SLC25A21: variants seen among roughly 807,000 people sequenced by gnomAD.
The protein encoded by SLC25A21 is solute carrier family 25 member 21.
In SLC25A21, 47 loss-of-function variants were observed where a neutral mutation model predicts 43.8. The ratio of observed to expected loss-of-function variants is 1.07; its 90% CI spans 0.85 to 1.37. The LOEUF (loss-of-function observed/expected upper bound fraction) is 1.37. Ranked by LOEUF, SLC25A21 falls within the 40% of genes most tolerant of loss-of-function variation. The pLI is 0.00. For missense variants in SLC25A21, 352 were observed against 350.2 expected (o/e 1.00, Z -0.04); for synonymous variants, 131 against 121.3 (o/e 1.08, Z -0.52).
At chr14:36,802,614 G>C (rs558472284) in intron 3 of SLC25A21, among the ~76,000 whole-genome samples, 1 of 152,242 alleles carries the variant, frequency 6.6e-6, no homozygotes, top group South Asian at 2.1e-4. Flanking sequence ...GAACCCCAAG[G>C]TAAGTGTTGT....
intron 1 of SLC25A21, among the ~76,000 whole-genome samples, chr14:37,167,846 T>G (rs571899204): frequency 6.6e-6 from 1 of 151,858 alleles, no homozygotes; most frequent in Non-Finnish European, 1.5e-5. Flanking sequence ...CTCCCTATGA[T>G]TTCATCTCCG....
At chr14:36,776,234 C>CTTTTTTTTTTTTT (rs1397904925) in intron 3 of SLC25A21, among the ~76,000 whole-genome samples, 20 of 75,752 alleles carry the variant, frequency 2.6e-4, no homozygotes, top group African/African-American at 1.1e-3. Flanking sequence ...TTCTTTCTTT[C>CTTTTTTTTTTTTT]TTTCTTTTTT....
chr14:36,678,544 G>C lies in SLC25A21; in HGVS notation c.*2114C>G. 6.5e-7 allele frequency: 1 copy of C among 1,536,614 alleles called. No homozygotes were observed. The highest frequency in any genetic ancestry group is 8.7e-7 in the Non-Finnish European group (1 of 1,146,608). On this transcript the variant is annotated 3_prime_UTR_variant, in exon 10 of 10. Coordinates refer to ENST00000331299, the MANE Select transcript of SLC25A21 (RefSeq NM_030631.4). ...AAAGATCCAATCCAATATTTTGGTG[G>C]AGACTTCTTTAAAACCATACCATAC...
chr14:36,895,049 C>T (rs1240111669), intron 1 of SLC25A21, among the ~76,000 whole-genome samples: 1 of 152,136 alleles, frequency 6.6e-6, no homozygotes, highest in Non-Finnish European at 1.5e-5. Context: ...ATGATGCTGG[C>T]CTCATAAAAT....
chr14:36,976,703 C>G (rs1302737045), intron 1 of SLC25A21, among the ~76,000 whole-genome samples: 1 of 152,204 alleles, frequency 6.6e-6, no homozygotes, highest in Non-Finnish European at 1.5e-5. Context: ...TGCTGAGTCA[C>G]TTGCCAACCA....
chr14:36,908,025 G>C (rs2138607612), intron 1 of SLC25A21, among the ~76,000 whole-genome samples: 1 of 152,272 alleles, frequency 6.6e-6, no homozygotes, highest in African/African-American at 2.4e-5. Context: ...GGACATAGAA[G>C]ATATGGTTGG....
intron 7 of SLC25A21, among the ~76,000 whole-genome samples, chr14:36,697,680 C>G (rs1019198949): frequency 4.0e-5 from 6 of 149,730 alleles, no homozygotes; most frequent in Non-Finnish European, 7.4e-5. Flanking sequence ...TTCTTTGTCT[C>G]TTTTGATCTT....
intron 1 of SLC25A21, among the ~76,000 whole-genome samples, chr14:37,037,152 A>C (rs1352317173): frequency 6.6e-6 from 1 of 152,160 alleles, no homozygotes; most frequent in Non-Finnish European, 1.5e-5. Context: ...AAGAGAAAAA[A>C]CTGTTTCCAA....
chr14:37,135,833 G>C (rs1963471294), intron 1 of SLC25A21, among the ~76,000 whole-genome samples: 1 of 152,190 alleles, frequency 6.6e-6, no homozygotes, highest in Non-Finnish European at 1.5e-5. Context: ...GACCTCCTCA[G>C]TTTCCTAATT....
Position 36,679,014 on chromosome 14 carries a change from T to TA in SLC25A21, c.*1643_*1644insT. 1.1e-6 allele frequency: 1 copy of TA among 873,964 alleles called. No individual in the cohort carries two copies. Among genetic ancestry groups the TA allele is most frequent in the Non-Finnish European group, 1.3e-6 (1 of 756,676 alleles). The allele number at this position is 873,964 out of a possible 1,614,324, so 54.1% of individuals were successfully genotyped here. On this transcript the variant is annotated 3_prime_UTR_variant, in exon 10 of 10. Transcript: ENST00000331299. ...CTCATAGATGGTAAAAGTGTTGCTT[T>TA]TAAACTGGCAAATGCACTCTTCAGA...
At chr14:36,698,060 T>G (rs935432589) in intron 7 of SLC25A21, among the ~76,000 whole-genome samples, 8 of 152,184 alleles carry the variant, frequency 5.3e-5, no homozygotes, top group Non-Finnish European at 8.8e-5. Flanking sequence ...ACCGGTTGTT[T>G]CTTTCCACGT....
At chr14:36,938,926 C>T (rs968184916) in intron 1 of SLC25A21, among the ~76,000 whole-genome samples, 1 of 152,128 alleles carries the variant, frequency 6.6e-6, no homozygotes, top group Non-Finnish European at 1.5e-5. Context: ...TCAGATTTAA[C>T]TCTCTTATGC....
intron 3 of SLC25A21, among the ~76,000 whole-genome samples, chr14:36,779,537 G>A: frequency 7.8e-6 from 1 of 127,508 alleles, no homozygotes. Context: ...CTATATATAA[G>A]AATAAACATA....
intron 1 of SLC25A21, among the ~76,000 whole-genome samples, chr14:36,884,171 C>T (rs1890847753): frequency 6.6e-6 from 1 of 152,134 alleles, no homozygotes; most frequent in African/African-American, 2.4e-5. Flanking sequence ...TGGCAACCTC[C>T]ATTCTAGTCT....
intron 1 of SLC25A21, among the ~76,000 whole-genome samples, chr14:36,995,489 G>A (rs948934729): frequency 6.6e-6 from 1 of 152,018 alleles, no homozygotes; most frequent in Admixed American, 6.6e-5. Context: ...TTTGACTGTA[G>A]GTCATGTGTT....
intron 3 of SLC25A21, among the ~76,000 whole-genome samples, chr14:36,813,550 T>G (rs1888346948): frequency 6.6e-6 from 1 of 152,200 alleles, no homozygotes; most frequent in African/African-American, 2.4e-5. Context: ...TTGATACAGA[T>G]CTGTTTTATT....
At chr14:36,996,648 C>T (rs1220999554) in intron 1 of SLC25A21, among the ~76,000 whole-genome samples, 2 of 151,996 alleles carry the variant, frequency 1.3e-5, no homozygotes, top group African/African-American at 4.8e-5. Context: ...CCTTATAGAA[C>T]ACCCAGAAGC....
intron 1 of SLC25A21, among the ~76,000 whole-genome samples, chr14:37,046,316 T>C (rs1012848481): frequency 2.0e-5 from 3 of 152,092 alleles, no homozygotes; most frequent in Non-Finnish European, 2.9e-5. Context: ...TCAGATTAAG[T>C]AGGTCTGCTC....
At chr14:37,078,619 C>T (rs899399716) in intron 1 of SLC25A21, among the ~76,000 whole-genome samples, 1 of 152,114 alleles carries the variant, frequency 6.6e-6, no homozygotes, top group Non-Finnish European at 1.5e-5. Flanking sequence ...TGCCACACAC[C>T]TGTGAAATCA....
Sources: allele counts gnomAD v4.1 joint callset (sites outside exome capture counted in the v4.1 genomes callset), GRCh38; gene constraint gnomAD v4.1.1; transcripts MANE v1.5; gene names NCBI Gene and HGNC (gene_info 2026-07-23, HGNC 2026-07-21).